ELP4: variants seen among roughly 807,000 people sequenced by gnomAD.
ELP4 encodes elongator acetyltransferase complex subunit 4, also known as elongator complex protein 4.
ELP4 carries 51 observed loss-of-function variants against 48.9 expected under a neutral mutation model. That is an observed-to-expected ratio of 1.04 (90% CI 0.83 to 1.32). The LOEUF (loss-of-function observed/expected upper bound fraction) is 1.32, where lower values mean the gene tolerates loss of function less well. Among genes scored for constraint, ELP4 ranks in the 40% most tolerant of loss-of-function variants. The probability of loss-of-function intolerance (pLI) is 0.00; values close to 1 mark genes in which losing one functional copy is unlikely to be tolerated. For missense variants in ELP4, 519 were observed against 514.6 expected (o/e 1.01, Z -0.08); for synonymous variants, 210 against 189.2 (o/e 1.11, Z -0.90).
intron 9 of ELP4, among the ~76,000 whole-genome samples, chr11:31,707,577 A>G (rs748507070): frequency 2.2e-4 from 33 of 152,280 alleles, no homozygotes; most frequent in South Asian, 1.0e-3. Context: ...TTTAAATTAT[A>G]CAAGTGATAT....
At chr11:31,716,673 C>G (rs965287907) in intron 9 of ELP4, among the ~76,000 whole-genome samples, 2 of 152,120 alleles carry the variant, frequency 1.3e-5, no homozygotes, top group Non-Finnish European at 2.9e-5. Context: ...GCTGGACAAC[C>G]TTACCAATAG....
chr11:31,638,450 T>C (rs1407534106), intron 7 of ELP4, among the ~76,000 whole-genome samples: 1 of 151,860 alleles, frequency 6.6e-6, no homozygotes, highest in Non-Finnish European at 1.5e-5. Flanking sequence ...CACTGTTTTA[T>C]AATAATTTGA....
intron 3 of ELP4, among the ~76,000 whole-genome samples, chr11:31,577,072 CA>C (rs1377184009): frequency 1.7e-4 from 26 of 151,974 alleles, no homozygotes; most frequent in African/African-American, 6.3e-4. Flanking sequence ...AAAGAAGAAT[CA>C]AATAGACACA....
rs1032379182 is a variant in ELP4, at chr11:31,601,348, A to G, written c.514-2420A>G. Among the ~76,000 whole-genome samples, 27 of 152,218 alleles carry G rather than the reference A, an allele frequency of 1.8e-4. 1 individual carries two copies. The East Asian group carries it at 5.0e-3, about 28-fold the overall frequency. ...TTTATTTTCATTGTTAATTGAAAAGATTAAAGTTTTTCATCAGCAATAAAA... is the reference window on the plus strand; with the variant it reads ...TTTATTTTCATTGTTAATTGAAAAGGTTAAAGTTTTTCATCAGCAATAAAA... On this transcript the variant is annotated intron_variant, in intron 4 of 9. Transcript: ENST00000640961.
intron 9 of ELP4, chr11:31,662,493 T>G (rs539978477): frequency 2.5e-6 from 1 of 397,076 alleles, no homozygotes; most frequent in African/African-American, 2.1e-5. Flanking sequence ...GTAACAGCCA[T>G]TCCTATCATT....
chr11:31,512,565 T>A (rs963664555), intron 1 of ELP4: 1 of 152,244 alleles, frequency 6.6e-6, no homozygotes, highest in African/African-American at 2.4e-5. Flanking sequence ...TTAGCTACAT[T>A]AAAATTGTTT....
rs1956663245 is a variant in ELP4 at position 31,544,623 on chromosome 11, C to T, written c.381+4840C>T. Reference sequence around the variant, plus strand: ...GTAACCTCTGCAGACTTAAATGTCCCTGTCTGACAGCTTTGAAGAGAGCAG... The same window carrying T: ...GTAACCTCTGCAGACTTAAATGTCCTTGTCTGACAGCTTTGAAGAGAGCAG... On this transcript the variant is annotated intron_variant, in intron 3 of 9. Transcript: ENST00000640961. 2.0e-5 allele frequency among the ~76,000 whole-genome samples: 3 copies of T among 152,334 alleles called. No individual in the cohort carries two copies. In the South Asian group the frequency reaches 6.2e-4, roughly 32 times the overall value.
intron 7 of ELP4, among the ~76,000 whole-genome samples, chr11:31,640,197 A>G (rs371999944): frequency 1.3e-5 from 2 of 151,974 alleles, no homozygotes; most frequent in South Asian, 2.1e-4. Flanking sequence ...ACTATCTTCT[A>G]TATCACTTTT....
Position 31,640,484 on chromosome 11 carries a change from A to G in ELP4, c.928-7257A>G, listed in dbSNP as rs1945072411. Among the ~76,000 whole-genome samples the G allele has an allele frequency of 2.6e-5, 4 of 152,048 alleles. No individual in the cohort carries two copies. In the South Asian group the frequency reaches 8.3e-4, roughly 32 times the overall value. ...CTGTTTAAGTACCACGTCAGATATTATGTCCTAGTGTTATGTTTTATCCCT... is the reference window on the plus strand; with the variant it reads ...CTGTTTAAGTACCACGTCAGATATTGTGTCCTAGTGTTATGTTTTATCCCT... On this transcript the variant is annotated intron_variant, in intron 7 of 9. Coordinates refer to ENST00000640961, the MANE Select transcript of ELP4 (RefSeq NM_019040.5).
At chr11:31,541,620 T>G (rs576563988) in intron 3 of ELP4, 33 of 152,200 alleles carry the variant, frequency 2.2e-4, no homozygotes, top group Non-Finnish European at 4.4e-4. Context: ...AAAATAAAGT[T>G]TTTTATTTTT....
At chr11:31,596,277 C>T (rs1473845184) in intron 4 of ELP4, among the ~76,000 whole-genome samples, 3 of 152,066 alleles carry the variant, frequency 2.0e-5, no homozygotes, top group South Asian at 2.1e-4. Context: ...TGGTGGCGGG[C>T]GCCTGTAATA....
intron 1 of ELP4, 120 bp from the exon 2 acceptor site, chr11:31,519,936 G>T (rs1366040043): frequency 5.1e-6 from 4 of 787,364 alleles, no homozygotes; most frequent in Non-Finnish European, 8.1e-6. Flanking sequence ...TAATTAAAAT[G>T]TTGTTCACAA....
At chr11:31,623,390 T>TATAA (rs67986763) in intron 5 of ELP4, among the ~76,000 whole-genome samples, 3,674 of 92,520 alleles carry the variant, frequency 0.04, 389 homozygotes, top group African/African-American at 0.1. Context: ...TATATATATA[T>TATAA]AAAACTAGAA....
chr11:31,617,707 A>G (rs940307700), intron 5 of ELP4, among the ~76,000 whole-genome samples: 2 of 141,448 alleles, frequency 1.4e-5, no homozygotes, highest in African/African-American at 5.2e-5. Context: ...ACAAATAAAG[A>G]TATTCCAAGC....
chr11:31,693,157 T>A (rs200972665), intron 9 of ELP4, among the ~76,000 whole-genome samples: 85 of 151,804 alleles, frequency 5.6e-4, no homozygotes, highest in African/African-American at 1.2e-3. Flanking sequence ...AACTCGTTTT[T>A]TTATTATTAT....
chr11:31,509,944 C>T lies in ELP4; in HGVS notation c.160C>T (p.Pro54Ser), dbSNP rs1237511451. 6.2e-7 allele frequency: 1 copy of T among 1,613,468 alleles called. No homozygotes were observed. The highest frequency in any genetic ancestry group is 1.7e-5 in the Admixed American group (1 of 60,028). The change falls in exon 1 of 10, where the codon CCG (proline) becomes TCG (serine). Residue 54 changes from proline to serine, a missense_variant. Physicochemically the swap from Pro to Ser is moderately conservative, Grantham distance 74. Coordinates refer to ENST00000640961, the MANE Select transcript of ELP4 (RefSeq NM_019040.5). ...PRLVSIAGTR[P>S]SVRNGQLLVS... The stretch of plus-strand genomic sequence containing the variant: ...ACTGGTGTCCATTGCGGGCACGCGA[C>T]CGTCGGTGCGGAATGGACAGCTGCT...
At chr11:31,518,255 G>A (rs991365898) in intron 1 of ELP4, among the ~76,000 whole-genome samples, 3 of 151,192 alleles carry the variant, frequency 2.0e-5, no homozygotes, top group Non-Finnish European at 4.4e-5. Flanking sequence ...TACAGGCATG[G>A]GCCACCACGC....
At chr11:31,620,308 G>A (rs1040380782) in intron 5 of ELP4, among the ~76,000 whole-genome samples, 2 of 151,992 alleles carry the variant, frequency 1.3e-5, no homozygotes, top group African/African-American at 4.8e-5. Flanking sequence ...GATAAGGATT[G>A]ACCATGGATT....
intron 9 of ELP4, among the ~76,000 whole-genome samples, chr11:31,696,573 G>A (rs1051994280): frequency 6.6e-6 from 1 of 152,098 alleles, no homozygotes; most frequent in African/African-American, 2.4e-5. Flanking sequence ...TTGCTGAGGA[G>A]TGCTTTACTT....
Sources: allele counts gnomAD v4.1 joint callset (sites outside exome capture counted in the v4.1 genomes callset), GRCh38; gene constraint gnomAD v4.1.1; transcripts MANE v1.5; gene names NCBI Gene and HGNC (gene_info 2026-07-23, HGNC 2026-07-21).